TAFA2: variants seen among roughly 807,000 people sequenced by gnomAD.
The protein encoded by TAFA2 is chemokine-like protein TAFA-2.
In TAFA2, 7 loss-of-function variants were observed where a neutral mutation model predicts 18.8. The ratio of observed to expected loss-of-function variants is 0.37; its 90% CI spans 0.21 to 0.70. The LOEUF (loss-of-function observed/expected upper bound fraction) is 0.70, where lower values mean the gene tolerates loss of function less well. Among genes scored for constraint, TAFA2 ranks in the 30% least tolerant of loss-of-function variants. The probability of loss-of-function intolerance (pLI) is 0.53; values close to 1 mark genes in which losing one functional copy is unlikely to be tolerated. For missense variants in TAFA2, 122 were observed against 158.1 expected, an observed-to-expected ratio of 0.77 and a Z score of 1.23; for synonymous variants, 60 against 54.2, an observed-to-expected ratio of 1.11 and a Z score of -0.47.
chr12:62,131,252 T>G (rs1351676894), intron 1 of TAFA2, among the ~76,000 whole-genome samples: 1 of 151,856 alleles, frequency 6.6e-6, no homozygotes, highest in Non-Finnish European at 1.5e-5. Flanking sequence ...CTACAACCCC[T>G]TAAACTGTAG....
At chr12:62,126,529 G>A (rs1322879116) in intron 1 of TAFA2, among the ~76,000 whole-genome samples, 2 of 152,050 alleles carry the variant, frequency 1.3e-5, no homozygotes, top group Admixed American at 1.3e-4. Context: ...AGTTTGAGCA[G>A]GTTTGCTGGC....
At chr12:61,994,640 CAA>C (rs1334811572) in intron 1 of TAFA2, among the ~76,000 whole-genome samples, 2 of 152,068 alleles carry the variant, frequency 1.3e-5, no homozygotes, top group African/African-American at 4.8e-5. Flanking sequence ...TTGTTCTGGT[CAA>C]AGTCACCAAT....
Position 61,710,309 on chromosome 12 carries a change from G to T in TAFA2, c.*97C>A. On this transcript the variant is annotated 3_prime_UTR_variant, in exon 5 of 5. Transcript: ENST00000416284. ...AGACTATTGAGCGCCTCTTTCAAGT[G>T]GTATAAAAATCTTCAAGATCACCTC... 9.0e-7 allele frequency: 1 copy of T among 1,111,020 alleles called. No individual in the cohort carries two copies. Among genetic ancestry groups the T allele is most frequent in the Non-Finnish European group, 1.4e-6 (1 of 729,066 alleles). 68.8% of individuals were successfully genotyped at this position (1,111,020 alleles called of 1,614,324 possible).
At chr12:62,112,951 T>G (rs1029419245) in intron 1 of TAFA2, among the ~76,000 whole-genome samples, 1 of 152,116 alleles carries the variant, frequency 6.6e-6, no homozygotes, top group Non-Finnish European at 1.5e-5. Context: ...CAGAGGAGTT[T>G]GTTATTACCC....
chr12:61,816,245 G>A (rs570419633), intron 2 of TAFA2, among the ~76,000 whole-genome samples: 1 of 151,280 alleles, frequency 6.6e-6, no homozygotes, highest in East Asian at 1.9e-4. Context: ...CTCATCATTA[G>A]CTCCCACTTG....
intron 1 of TAFA2, among the ~76,000 whole-genome samples, chr12:61,961,270 A>G (rs118178240): frequency 6.6e-6 from 1 of 151,936 alleles, no homozygotes; most frequent in Non-Finnish European, 1.5e-5. Context: ...CCCAACCGCT[A>G]CTCCAACAAT....
At chr12:61,858,769 G>GA (rs902646831) in intron 2 of TAFA2, among the ~76,000 whole-genome samples, 22 of 152,074 alleles carry the variant, frequency 1.4e-4, no homozygotes, top group African/African-American at 5.1e-4. Context: ...TATCCTGGAG[G>GA]AATTTTGTAA....
intron 1 of TAFA2, among the ~76,000 whole-genome samples, chr12:62,144,997 A>T (rs1469069588): frequency 6.6e-6 from 1 of 152,218 alleles, no homozygotes; most frequent in East Asian, 1.9e-4. Context: ...ACTTTTCTCC[A>T]AAGCCTTCTA....
intron 1 of TAFA2, chr12:62,235,631 T>C (rs1271148348): frequency 2.1e-5 from 5 of 235,730 alleles, no homozygotes. Context: ...TTTCTTCCTT[T>C]ATTCCTTTGT....
intron 1 of TAFA2, among the ~76,000 whole-genome samples, chr12:61,921,009 G>A (rs1261563439): frequency 6.6e-6 from 1 of 152,096 alleles, no homozygotes; most frequent in African/African-American, 2.4e-5. Flanking sequence ...TGCGATTGGT[G>A]GGTTCAGAGG....
At chr12:61,739,624 T>C (rs1868366782) in intron 4 of TAFA2, among the ~76,000 whole-genome samples, 1 of 152,084 alleles carries the variant, frequency 6.6e-6, no homozygotes, top group Non-Finnish European at 1.5e-5. Context: ...ACAGCTTTTA[T>C]CATAATTTCC....
intron 4 of TAFA2, among the ~76,000 whole-genome samples, chr12:61,752,280 A>G (rs750666443): frequency 3.9e-5 from 6 of 152,036 alleles, no homozygotes; most frequent in Non-Finnish European, 8.8e-5. Flanking sequence ...CCCCTTGTTC[A>G]CTGAAGTAAT....
In TAFA2 at chr12:61,753,757, GAA is replaced by G. The variant is rs759536403; in HGVS notation, c.260-13_260-12del. 4.4e-6 allele frequency: 7 copies of G among 1,586,418 alleles called. No homozygotes were observed. The highest frequency in any genetic ancestry group is 3.4e-4 in the Middle Eastern group (2 of 5,896). ...GTTCCACTATTGAAGCTATAAGAGA[GAA>G]AAAAAATTGACTCAACATTTTTTTC... On this transcript the variant is annotated splice_polypyrimidine_tract_variant and intron_variant, in intron 3 of 4. Coordinates refer to ENST00000416284, the MANE Select transcript of TAFA2 (RefSeq NM_178539.5).
chr12:61,837,965 A>G (rs1187874156), intron 2 of TAFA2, among the ~76,000 whole-genome samples: 1 of 151,948 alleles, frequency 6.6e-6, no homozygotes, highest in Non-Finnish European at 1.5e-5. Context: ...ACTCATTGAA[A>G]ATTCTATGCT....
chr12:62,021,601 G>A (rs1040141726), intron 1 of TAFA2: 6 of 991,832 alleles, frequency 6.0e-6, no homozygotes, highest in Admixed American at 3.4e-5. Flanking sequence ...GACGGCAGGC[G>A]GTTCTGGCTT....
upstream of TAFA2, among the ~76,000 whole-genome samples, chr12:62,195,025 T>C (rs2062643268): frequency 6.6e-6 from 1 of 152,214 alleles, no homozygotes. Flanking sequence ...GAGAGTCTTG[T>C]TTCAGTGTTG....
chr12:61,760,556 T>C (rs1273133218), intron 2 of TAFA2, among the ~76,000 whole-genome samples: 1 of 151,758 alleles, frequency 6.6e-6, no homozygotes. Context: ...ATTTTTCATG[T>C]AAACTGCTCA....
At chr12:61,874,363 A>G (rs1031813075) in intron 1 of TAFA2, among the ~76,000 whole-genome samples, 1 of 152,152 alleles carries the variant, frequency 6.6e-6, no homozygotes. Context: ...AGTGTTTTGT[A>G]ATGAATCCAG....
At chr12:62,002,041 C>T (rs981845922) in intron 1 of TAFA2, among the ~76,000 whole-genome samples, 3 of 152,154 alleles carry the variant, frequency 2.0e-5, no homozygotes, top group African/African-American at 7.2e-5. Context: ...ATGCCTCTCT[C>T]TTCTGTGGAA....
Sources: allele counts gnomAD v4.1 joint callset (sites outside exome capture counted in the v4.1 genomes callset), GRCh38; gene constraint gnomAD v4.1.1; transcripts MANE v1.5; gene names NCBI Gene and HGNC (gene_info 2026-07-23, HGNC 2026-07-21).